The following FREM1 variants were observed in gnomAD, a reference collection of about 807,000 sequenced individuals.
FREM1 encodes the protein FRAS1-related extracellular matrix protein 1.
FREM1 carries 220 observed loss-of-function variants against 210.1 expected under a neutral mutation model. That is an observed-to-expected ratio of 1.05 (90% CI 0.94 to 1.17). FREM1 has a LOEUF of 1.17. Ranked by LOEUF, FREM1 falls within the 50% of genes most tolerant of loss-of-function variation. The pLI is 0.00. For missense variants in FREM1, 3,454 were observed against 2,675.5 expected, an observed-to-expected ratio of 1.29 and a Z score of -6.42; for synonymous variants, 1,189 against 980.2, an observed-to-expected ratio of 1.21 and a Z score of -3.98.
Position 14,750,251 on chromosome 9 carries a change from T to C in FREM1, c.5433A>G (p.Ile1811Met). 1 of 1,612,058 alleles carries C rather than the reference T, an allele frequency of 6.2e-7. No homozygotes were observed. The highest frequency in any genetic ancestry group is 8.5e-7 in the Non-Finnish European group (1 of 1,178,614). The change falls in exon 30 of 37, where the codon ATA becomes ATG. Residue 1811 changes from isoleucine (I) to methionine (M), a missense_variant. By Grantham distance (10) the Ile-to-Met change is conservative. Transcript: ENST00000380880. ...DPGMSTKMWN[I>M]AITYDGLEED... ...CCTCTAATCCGTCATAGGTAATTGC[T>C]ATATTCCACATCTTAGTTGACATTC...
At chr9:14,740,837 G>T (rs887540685) in intron 35 of FREM1, among the ~76,000 whole-genome samples, 1 of 152,086 alleles carries the variant, frequency 6.6e-6, no homozygotes, top group Non-Finnish European at 1.5e-5. Context: ...TCACAAAACA[G>T]AATTTTTTAT....
At chr9:14,774,981 A>G (rs1357340615) in intron 25 of FREM1, among the ~76,000 whole-genome samples, 8 of 152,210 alleles carry the variant, frequency 5.3e-5, no homozygotes, top group Non-Finnish European at 1.2e-4. Flanking sequence ...CTTGCAGTTA[A>G]CACTAAAGGA....
Position 14,759,860 on chromosome 9 carries a change from T to A in FREM1, c.5246A>T (p.Glu1749Val), listed in dbSNP as rs1403845928. 4.3e-6 allele frequency: 7 copies of A among 1,611,452 alleles called. No homozygotes were observed. In the East Asian group the frequency reaches 1.6e-4, roughly 36 times the overall value. Residue 1749 changes from glutamate (E) to valine (V), a missense_variant, in exon 28 of 37, where the codon GAA becomes GTA. Coordinates refer to ENST00000380880, the MANE Select transcript of FREM1 (RefSeq NM_001379081.2). ...KWSHIEWSQT[E>V]YEVCENVGLL... Reference sequence around the variant, plus strand: ...ACCCACATTCTCACAGACTTCATATTCGGTCTGTGACCATTCAATATGAGA... The same window carrying A: ...ACCCACATTCTCACAGACTTCATATACGGTCTGTGACCATTCAATATGAGA...
chr9:14,899,589 T>C (rs1838405620), intron 1 of FREM1, among the ~76,000 whole-genome samples: 1 of 152,190 alleles, frequency 6.6e-6, no homozygotes, highest in East Asian at 1.9e-4. Context: ...GTATAAGAAC[T>C]GCAAACACCA....
chr9:14,903,018 C>T (rs184375421), intron 1 of FREM1, among the ~76,000 whole-genome samples: 1 of 152,312 alleles, frequency 6.6e-6, no homozygotes, highest in East Asian at 1.9e-4. Flanking sequence ...CCATTTAACT[C>T]CTATTCTTCT....
Position 14,793,918 on chromosome 9 carries a change from G to A in FREM1, c.3840-1034C>T, listed in dbSNP as rs143682068. Among the ~76,000 whole-genome samples, 791 of 152,316 alleles carry A rather than the reference G, an allele frequency of 5.2e-3. 9 individuals carry two copies. Among genetic ancestry groups the A allele is most frequent in the African/African-American group, 0.018 (741 of 41,572 alleles). On this transcript the variant is annotated intron_variant, in intron 21 of 36. Transcript: ENST00000380880. ...GACATTTGCACACCTCTTTACTAGAGAATGGGAATCCCATTATTCCAGAAA... is the reference window on the plus strand; with the variant it reads ...GACATTTGCACACCTCTTTACTAGAAAATGGGAATCCCATTATTCCAGAAA...
At chr9:14,772,355 C>G (rs887199855) in intron 25 of FREM1, among the ~76,000 whole-genome samples, 1 of 151,992 alleles carries the variant, frequency 6.6e-6, no homozygotes, top group Non-Finnish European at 1.5e-5. Flanking sequence ...TCCATGCAGC[C>G]TTTAAAAATC....
intron 24 of FREM1, among the ~76,000 whole-genome samples, chr9:14,776,618 ATAGAC>A (rs1226565419): frequency 1.3e-5 from 2 of 152,224 alleles, no homozygotes; most frequent in African/African-American, 4.8e-5. Flanking sequence ...TTGGTGTGTA[ATAGAC>A]TAAAGTTGTA....
chr9:14,788,387 C>A (rs1003852186), intron 23 of FREM1, among the ~76,000 whole-genome samples: 1 of 152,200 alleles, frequency 6.6e-6, no homozygotes, highest in Non-Finnish European at 1.5e-5. Context: ...CTTATAGTGT[C>A]TTTCCTTGTC....
chr9:14,846,089 G>C lies in FREM1; in HGVS notation c.1264C>G (p.Leu422Val). ...CGAGACTGCCCCTCAAGGAGACTCA[G>C]ACCTATGAAAGAAAGGAGAAAAGGG... ...NAPRVSWNTG[L>V]SLLEGQSRAI... The change falls in exon 8 of 37, where the codon CTG becomes GTG. Residue 422 changes from leucine to valine, a missense_variant and splice_region_variant. By Grantham distance (32) the Leu-to-Val change is conservative. Transcript: ENST00000380880. The C allele has an allele frequency of 1.9e-6, 3 of 1,568,516 alleles. No individual in the cohort carries two copies. The highest frequency in any genetic ancestry group is 2.6e-6 in the Non-Finnish European group (3 of 1,155,590).
chr9:14,885,647 C>G (rs989725008), intron 1 of FREM1, among the ~76,000 whole-genome samples: 1 of 152,134 alleles, frequency 6.6e-6, no homozygotes, highest in Admixed American at 6.5e-5. Context: ...GTCTTGAACT[C>G]CTGGTCTCAA....
At position 14,765,630 on chromosome 9, in the gene FREM1, C is replaced by T. The variant is rs147342130; in HGVS notation, c.5204+4094G>A. 5.8e-3 allele frequency among the ~76,000 whole-genome samples: 881 copies of T among 152,174 alleles called. 6 individuals carry two copies. Among genetic ancestry groups the T allele is most frequent in the African/African-American group, 0.02 (843 of 41,528 alleles). On this transcript the variant is annotated intron_variant, in intron 27 of 36. Transcript: ENST00000380880. ...GGTATTAGCTAGCCAAACACCTTCC[C>T]CTATCAGGTGTTTCATAAAAGCTGC...
chr9:14,904,180 C>A (rs903547781), intron 1 of FREM1, among the ~76,000 whole-genome samples: 39 of 148,586 alleles, frequency 2.6e-4, no homozygotes, highest in Non-Finnish European at 2.5e-4. Context: ...AGACTAGTGA[C>A]TAGTTTCCTC....
chr9:14,847,117 A>G (rs960802225), intron 7 of FREM1, among the ~76,000 whole-genome samples: 1 of 152,136 alleles, frequency 6.6e-6, no homozygotes, highest in Non-Finnish European at 1.5e-5. Context: ...AACACAGGAG[A>G]TGGGAAATAA....
chr9:14,830,022 C>T (rs1823250884), intron 10 of FREM1, among the ~76,000 whole-genome samples: 1 of 152,096 alleles, frequency 6.6e-6, no homozygotes, highest in Non-Finnish European at 1.5e-5. Context: ...GAGGAGAGAA[C>T]AGGTACCTGG....
chr9:14,788,755 G>A (rs1850808796), intron 23 of FREM1, among the ~76,000 whole-genome samples, 164 bp downstream of exon 23: 1 of 152,160 alleles, frequency 6.6e-6, no homozygotes, highest in South Asian at 2.1e-4. Context: ...GGCAAAGCAG[G>A]TGAGAAGCCA....
At chr9:14,840,653 T>C (rs1309101836) in intron 10 of FREM1, among the ~76,000 whole-genome samples, 1 of 152,192 alleles carries the variant, frequency 6.6e-6, no homozygotes, top group Non-Finnish European at 1.5e-5. Context: ...TTGTGGGAGT[T>C]ACAATTCAAG....
At chr9:14,737,982 T>G (rs1165425013) in intron 36 of FREM1, among the ~76,000 whole-genome samples, 1 of 152,196 alleles carries the variant, frequency 6.6e-6, no homozygotes, top group Non-Finnish European at 1.5e-5. Context: ...TCATCCTACA[T>G]GCAGAACTCC....
chr9:14,778,261 T>C (rs1226889869), intron 24 of FREM1, among the ~76,000 whole-genome samples: 3 of 151,892 alleles, frequency 2.0e-5, no homozygotes, highest in African/African-American at 4.8e-5. Flanking sequence ...TTTTAACAAA[T>C]TGGGCAATTT....
Sources: allele counts gnomAD v4.1 joint callset (sites outside exome capture counted in the v4.1 genomes callset), GRCh38; gene constraint gnomAD v4.1.1; transcripts MANE v1.5; gene names NCBI Gene and HGNC (gene_info 2026-07-23, HGNC 2026-07-21).